The following HNF1A variants were observed in gnomAD, a reference collection of about 807,000 sequenced individuals.
The protein encoded by HNF1A is HNF1 homeobox A.
A neutral mutation model predicts 62.2 loss-of-function variants in HNF1A; 21 were observed. The ratio of observed to expected loss-of-function variants is 0.34; its 90% CI spans 0.24 to 0.49. HNF1A has a LOEUF of 0.49. Ranked by LOEUF, HNF1A falls within the 20% of genes least tolerant of loss-of-function variation. HNF1A has a pLI of 0.99. For missense variants in HNF1A, 687 were observed against 832.3 expected (o/e 0.83, Z 2.15); for synonymous variants, 374 against 366.8 (o/e 1.02, Z -0.22).
intron 1 of HNF1A, among the ~76,000 whole-genome samples, chr12:120,980,173 G>A (rs1278637812): frequency 6.6e-6 from 1 of 152,192 alleles, no homozygotes; most frequent in Non-Finnish European, 1.5e-5. Flanking sequence ...GGGAAACTGG[G>A]GCTTAGAGCC....
intron 2 of HNF1A, among the ~76,000 whole-genome samples, chr12:120,990,134 T>A (rs1876739142): frequency 6.6e-6 from 1 of 151,764 alleles, no homozygotes; most frequent in South Asian, 2.1e-4. Context: ...CAGGTTAATT[T>A]TTTTTTATTA....
At chr12:120,999,816 C>G (rs1877337764) in intron 9 of HNF1A, among the ~76,000 whole-genome samples, 189 bp downstream of exon 9, 1 of 152,100 alleles carries the variant, frequency 6.6e-6, no homozygotes, top group Non-Finnish European at 1.5e-5. Flanking sequence ...ACAGGCGACC[C>G]CAGGAAGATG....
rs137853242 is a variant in HNF1A, at chr12:120,999,607, G to A, written c.1748G>A (p.Arg583Gln). ...ASIQHLQPAHRLSASPTVSSS... is the reference protein window; with the variant it reads ...ASIQHLQPAHQLSASPTVSSS... ...ATCCAGCACCTGCAGCCGGCCCACCGGCTCAGCGCCAGCCCCACAGGTGAG... is the reference window on the plus strand; with the variant it reads ...ATCCAGCACCTGCAGCCGGCCCACCAGCTCAGCGCCAGCCCCACAGGTGAG... The change falls in exon 9 of 10, where the codon CGG becomes CAG. Residue 583 changes from arginine to glutamine, a missense_variant. Around this residue, in one of 5 missense-constraint regions of HNF1A, gnomAD observed 408 missense variants for 455.3 expected, o/e 0.90. Transcript: ENST00000257555. The A allele has an allele frequency of 8.6e-4, 1,380 of 1,611,350 alleles. 2 individuals are homozygous for A. The highest frequency in any genetic ancestry group is 1.1e-3 in the Non-Finnish European group (1,286 of 1,179,544).
intron 1 of HNF1A, 145 bp from the exon 2 acceptor site, chr12:120,988,688 A>G (rs1593054035): frequency 1.4e-6 from 1 of 721,362 alleles, no homozygotes; most frequent in Non-Finnish European, 2.5e-6. Flanking sequence ...CCCTGAGTCT[A>G]TGTGTAGGCC....
rs767920534 is a variant in HNF1A, at chr12:120,979,119, C to T, written c.326+25C>T. 41 of 1,586,512 alleles carry T rather than the reference C, an allele frequency of 2.6e-5. No individual in the cohort carries two copies. In the Admixed American group the frequency reaches 3.4e-4, roughly 13 times the overall value. ...AGTAAGGAGCCCTGCCCCGTCCCCG[C>T]TCCCAGGAGAGCCTAGAGGGGCCCC... is the stretch of plus-strand genomic sequence containing the variant. On this transcript the variant is annotated intron_variant, in intron 1 of 9. Transcript: ENST00000257555.
intron 2 of HNF1A, among the ~76,000 whole-genome samples, chr12:120,989,314 G>A (rs1451909494): frequency 2.6e-5 from 4 of 152,130 alleles, no homozygotes; most frequent in Non-Finnish European, 5.9e-5. Context: ...CTGGAGTTCA[G>A]TGGTGCGACC....
intron 1 of HNF1A, among the ~76,000 whole-genome samples, chr12:120,987,558 A>C (rs1432813121): frequency 6.6e-6 from 1 of 151,174 alleles, no homozygotes; most frequent in Non-Finnish European, 1.5e-5. Context: ...GCCACAGCCA[A>C]GGGTGCAGAT....
rs1238162646 is a variant in HNF1A at position 121,002,485 on chromosome 12, G to A, written c.*1293G>A. The A allele has an allele frequency of 1.7e-5, 9 of 517,016 alleles. No homozygotes were observed. Among genetic ancestry groups the A allele is most frequent in the Non-Finnish European group, 3.4e-5 (9 of 264,344 alleles). The allele number at this position is 517,016 out of a possible 1,614,324, so 32.0% of individuals were successfully genotyped here. A position where few individuals can be genotyped will look rare whatever the true frequency, so the allele number is the denominator to read the frequency against. On this transcript the variant is annotated 3_prime_UTR_variant, in exon 10 of 10. Transcript: ENST00000257555. ...GAGTGGCACGTTTATTTAACTTTTA[G>A]TAAAGTCAAGGAGAAATGCGGTGGA...
Position 120,992,181 on chromosome 12 carries a change from C to A in HNF1A, c.527-1339C>A, listed in dbSNP as rs559865098. On this transcript the variant is annotated intron_variant, in intron 2 of 9. Coordinates refer to ENST00000257555, the MANE Select transcript of HNF1A (RefSeq NM_000545.8). ...AGGGCTGCTTCAGGCATGGCTAGAT[C>A]AAGGGGCTCAAATGAGGTTCACACA... Among the ~76,000 whole-genome samples the A allele has an allele frequency of 2.4e-3, 364 of 152,278 alleles. 5 individuals are homozygous for A. The highest frequency in any genetic ancestry group is 6.2e-3 in the South Asian group (30 of 4,824).
Position 120,993,713 on chromosome 12 carries a change from C to T in HNF1A, c.713+7C>T, listed in dbSNP as rs766316903. 26 of 1,613,328 alleles carry T rather than the reference C, an allele frequency of 1.6e-5. No homozygotes were observed. The highest frequency in any genetic ancestry group is 6.7e-5 in the African/African-American group (5 of 74,866). Reference sequence around the variant, plus strand: ...TAGTGGAGGAGTGCAATAGGTACAACGGCGGGCGGGAAACAGTGCTGGTTT... The same window carrying T: ...TAGTGGAGGAGTGCAATAGGTACAATGGCGGGCGGGAAACAGTGCTGGTTT... On this transcript the variant is annotated splice_region_variant and intron_variant, in intron 3 of 9. Transcript: ENST00000257555.
chr12:120,987,491 A>C (rs1232162876), intron 1 of HNF1A, among the ~76,000 whole-genome samples: 1 of 150,896 alleles, frequency 6.6e-6, no homozygotes, highest in Non-Finnish European at 1.5e-5. Context: ...AAAAAAAAAA[A>C]AGAAAAAGAA....
chr12:120,995,077 C>T (rs1877033622), intron 4 of HNF1A, among the ~76,000 whole-genome samples: 1 of 151,786 alleles, frequency 6.6e-6, no homozygotes. Context: ...CCATCTACTA[C>T]ATTCAACTCC....
intron 2 of HNF1A, 76 bp from the exon 3 acceptor site, chr12:120,993,444 A>G (rs1876926500): frequency 2.1e-6 from 3 of 1,455,430 alleles, no homozygotes; most frequent in East Asian, 2.3e-5. Flanking sequence ...AGAAAGAATC[A>G]AGGGCAAGGT....
rs56258007 is a variant in HNF1A, at chr12:120,989,405, C to T, written c.526+373C>T. On this transcript the variant is annotated intron_variant, in intron 2 of 9. Transcript: ENST00000257555. ...CCGGAATAGCTGGGATCACAGGTGC[C>T]CACCACCATGCCTGGCTAATTTTTT... Among the ~76,000 whole-genome samples the T allele has an allele frequency of 9.1e-3, 1,388 of 152,266 alleles. 23 individuals carry two copies. Among genetic ancestry groups the T allele is most frequent in the African/African-American group, 0.032 (1,325 of 41,552 alleles).
chr12:120,997,717 C>G, intron 7 of HNF1A, 52 bp downstream of exon 7: 1 of 1,547,304 alleles, frequency 6.5e-7, no homozygotes, highest in Non-Finnish European at 8.8e-7. Context: ...GGTTGGCTGT[C>G]AATGGATGCA....
Position 121,001,204 on chromosome 12 carries a change from G to C in HNF1A, c.*12G>C. 12 of 1,613,692 alleles carry C rather than the reference G, an allele frequency of 7.4e-6. No individual in the cohort carries two copies. The highest frequency in any genetic ancestry group is 9.3e-6 in the Non-Finnish European group (11 of 1,179,900). On this transcript the variant is annotated 3_prime_UTR_variant, in exon 10 of 10. Coordinates refer to ENST00000257555, the MANE Select transcript of HNF1A (RefSeq NM_000545.8). ...CTTCCTCCCAGTAACCACGGCACCTGGGCCCTGGGGCCTGTACTGCCTGCT... is the reference window on the plus strand; with the variant it reads ...CTTCCTCCCAGTAACCACGGCACCTCGGCCCTGGGGCCTGTACTGCCTGCT...
intron 7 of HNF1A, 99 bp downstream of exon 7, chr12:120,997,764 T>C (rs1380431252): frequency 8.0e-7 from 1 of 1,255,318 alleles, no homozygotes; most frequent in South Asian, 1.3e-5. Flanking sequence ...GCAGTCTGCA[T>C]GTGTCTCTGG....
In HNF1A at chr12:120,988,378, A is replaced by G. The variant is rs568473143; in HGVS notation, c.327-455A>G. On this transcript the variant is annotated intron_variant, in intron 1 of 9. Coordinates refer to ENST00000257555, the MANE Select transcript of HNF1A (RefSeq NM_000545.8). The stretch of plus-strand genomic sequence containing the variant: ...CTACCATCCATCCACCAGTCCATCC[A>G]TCTATCCACCAATTCATCCATCCAT... Among the ~76,000 whole-genome samples the G allele has an allele frequency of 2.7e-5, 4 of 147,842 alleles. No homozygotes were observed. The South Asian group carries it at 8.7e-4, about 32-fold the overall frequency.
rs1459117725 is a variant in HNF1A at position 120,978,992 on chromosome 12, A to T, written c.224A>T (p.Asp75Val). Reference sequence around the variant, plus strand: ...ACTCGGGGCTCCGAGGACGAGACGGACGACGATGGGGAAGACTTCACGCCA... The same window carrying T: ...ACTCGGGGCTCCGAGGACGAGACGGTCGACGATGGGGAAGACTTCACGCCA... ...GETRGSEDET[D>V]DDGEDFTPPI... Residue 75 changes from aspartate (D) to valine (V), a missense_variant, in exon 1 of 10, where the codon GAC becomes GTC. Asp to Val is a radical substitution (Grantham distance 152). Coordinates refer to ENST00000257555, the MANE Select transcript of HNF1A (RefSeq NM_000545.8). The T allele has an allele frequency of 1.2e-6, 2 of 1,608,870 alleles. No homozygotes were observed. The highest frequency in any genetic ancestry group is 1.7e-6 in the Non-Finnish European group (2 of 1,177,816).
Sources: allele counts gnomAD v4.1 joint callset (sites outside exome capture counted in the v4.1 genomes callset), GRCh38; gene constraint gnomAD v4.1.1; regional missense constraint gnomAD v4.1.1; transcripts MANE v1.5; gene names NCBI Gene and HGNC (gene_info 2026-07-23, HGNC 2026-07-21).